Variants in TASP1 observed in about 807,000 individuals in gnomAD.
TASP1 encodes taspase 1, also known as threonine aspartase 1.
In TASP1, 16 loss-of-function variants were observed where a neutral mutation model predicts 56.6. The observed-to-expected ratio is 0.28, with a 90% CI of 0.19 to 0.43. The LOEUF (loss-of-function observed/expected upper bound fraction) is 0.43. Ranked by LOEUF, TASP1 falls within the 20% of genes least tolerant of loss-of-function variation. TASP1 has a pLI of 1.00. For missense variants in TASP1, 393 were observed against 511.6 expected, an observed-to-expected ratio of 0.77 and a Z score of 2.24; for synonymous variants, 179 against 184.2, an observed-to-expected ratio of 0.97 and a Z score of 0.23.
intron 12 of TASP1, among the ~76,000 whole-genome samples, chr20:13,431,933 C>T (rs2042824555): frequency 6.6e-6 from 1 of 152,198 alleles, no homozygotes; most frequent in Non-Finnish European, 1.5e-5. Context: ...CAAGAAGGCC[C>T]TCATCACATG....
At chr20:13,556,598 T>A (rs989763112) in intron 8 of TASP1, among the ~76,000 whole-genome samples, 1 of 152,190 alleles carries the variant, frequency 6.6e-6, no homozygotes, top group African/African-American at 2.4e-5. Flanking sequence ...AGCTAGCCCA[T>A]ACCAACTGCT....
At chr20:13,187,943 A>G in the TASP1 span, among the ~76,000 whole-genome samples, 2 of 149,502 alleles carry the variant, frequency 1.3e-5, no homozygotes, top group African/African-American at 5.1e-5. Flanking sequence ...GTGTATATAC[A>G]TATATATATA....
chr20:13,132,028 C>G, the TASP1 span, among the ~76,000 whole-genome samples: 1 of 152,080 alleles, frequency 6.6e-6, no homozygotes, highest in African/African-American at 2.4e-5. Context: ...GCTGGTCCCT[C>G]TAAAACTGCT....
intron 11 of TASP1, among the ~76,000 whole-genome samples, chr20:13,472,098 A>G (rs2044525401): frequency 6.6e-6 from 1 of 151,230 alleles, no homozygotes; most frequent in Non-Finnish European, 1.5e-5. Context: ...ACTATACTAC[A>G]GTAACCAAAA....
chr20:13,628,818 C>A (rs2048987339), intron 2 of TASP1, among the ~76,000 whole-genome samples: 1 of 152,126 alleles, frequency 6.6e-6, no homozygotes, highest in Non-Finnish European at 1.5e-5. Context: ...GCTGAGGAAA[C>A]CTGGGCAGAG....
At chr20:13,427,154 T>A (rs990531062) in intron 12 of TASP1, among the ~76,000 whole-genome samples, 1 of 152,198 alleles carries the variant, frequency 6.6e-6, no homozygotes, top group Non-Finnish European at 1.5e-5. Flanking sequence ...TTGAAGTACA[T>A]GTGTTTATAT....
chr20:13,451,495 A>T (rs2043615966), intron 11 of TASP1, among the ~76,000 whole-genome samples: 1 of 152,106 alleles, frequency 6.6e-6, no homozygotes, highest in Non-Finnish European at 1.5e-5. Flanking sequence ...CTTCTCCATA[A>T]GGACTTGTTG....
chr20:13,479,774 G>A (rs1441890676), intron 11 of TASP1, among the ~76,000 whole-genome samples: 1 of 152,152 alleles, frequency 6.6e-6, no homozygotes, highest in East Asian at 1.9e-4. Context: ...AGGATTACAG[G>A]CCACGGCATT....
chr20:13,486,217 G>C (rs948110485), intron 10 of TASP1, among the ~76,000 whole-genome samples: 1 of 152,096 alleles, frequency 6.6e-6, no homozygotes, highest in Non-Finnish European at 1.5e-5. Flanking sequence ...AAGGCAAACA[G>C]TTCCACTCTT....
chr20:13,221,348 C>T, the TASP1 span, among the ~76,000 whole-genome samples: 1 of 148,354 alleles, frequency 6.7e-6, no homozygotes, highest in Non-Finnish European at 1.5e-5. Flanking sequence ...TCTGGGGCGC[C>T]CATGTGCGCT....
At chr20:13,551,748 A>T (rs946048189) in intron 8 of TASP1, among the ~76,000 whole-genome samples, 1 of 152,246 alleles carries the variant, frequency 6.6e-6, no homozygotes, top group East Asian at 1.9e-4. Flanking sequence ...TAAACACTTC[A>T]TTCCAAAAGT....
At chr20:13,343,831 C>T in the TASP1 span, among the ~76,000 whole-genome samples, 216 of 152,274 alleles carry the variant, frequency 1.4e-3, 2 homozygotes, top group Admixed American at 2.8e-3. Context: ...GGGATCCCAA[C>T]AAGTGGAATC....
chr20:13,494,358 G>C (rs1220657787), intron 10 of TASP1, among the ~76,000 whole-genome samples: 1 of 152,130 alleles, frequency 6.6e-6, no homozygotes, highest in Non-Finnish European at 1.5e-5. Context: ...TTAATAACTT[G>C]CTGGTTAAAA....
chr20:13,546,428 A>G (rs2045812930), intron 8 of TASP1, among the ~76,000 whole-genome samples: 1 of 152,188 alleles, frequency 6.6e-6, no homozygotes, highest in African/African-American at 2.4e-5. Flanking sequence ...ATGCTTACAA[A>G]ATAAAAATGC....
the TASP1 span, among the ~76,000 whole-genome samples, chr20:13,186,358 C>T: frequency 3.9e-5 from 6 of 152,126 alleles, no homozygotes; most frequent in African/African-American, 1.2e-4. Context: ...ATTTCTCTTA[C>T]GTTAGTCTCC....
At chr20:13,558,858 A>G (rs919547376) in intron 8 of TASP1, 150 bp downstream of exon 8, 12 of 409,980 alleles carry the variant, frequency 2.9e-5, no homozygotes, top group African/African-American at 1.6e-4. Context: ...TATTATGAAC[A>G]TATTTTTAAT....
chr20:13,435,599 A>G (rs972166338), intron 11 of TASP1, among the ~76,000 whole-genome samples: 5 of 152,210 alleles, frequency 3.3e-5, no homozygotes, highest in African/African-American at 1.2e-4. Flanking sequence ...CACAAACTTT[A>G]TTATAAACAT....
intron 8 of TASP1, among the ~76,000 whole-genome samples, chr20:13,553,763 G>A (rs1396433374): frequency 6.6e-6 from 1 of 152,118 alleles, no homozygotes; most frequent in Admixed American, 6.6e-5. Flanking sequence ...TGTGGGGAAG[G>A]AGATTATAAA....
chr20:13,611,611 T>C (rs2048349623), intron 4 of TASP1, among the ~76,000 whole-genome samples: 1 of 152,234 alleles, frequency 6.6e-6, no homozygotes, highest in Non-Finnish European at 1.5e-5. Flanking sequence ...ATTAAATTAA[T>C]GACCATTAAA....
Sources: allele counts gnomAD v4.1 joint callset (sites outside exome capture counted in the v4.1 genomes callset), GRCh38; gene constraint gnomAD v4.1.1; transcripts MANE v1.5; gene names NCBI Gene and HGNC (gene_info 2026-07-23, HGNC 2026-07-21).